The following HLF variants were observed in gnomAD, a reference collection of about 807,000 sequenced individuals.
HLF encodes HLF transcription factor, PAR bZIP family member.
In HLF, 3 loss-of-function variants were observed where a neutral mutation model predicts 22.6. That is an observed-to-expected ratio of 0.13 (90% CI 0.06 to 0.34). The LOEUF is 0.34. Among genes scored for constraint, HLF ranks in the 10% least tolerant of loss-of-function variants. HLF has a pLI of 1.00. For missense variants in HLF, 299 were observed against 389.2 expected (o/e 0.77, Z 1.95); for synonymous variants, 151 against 151.8 (o/e 0.99, Z 0.04).
intron 3 of HLF, among the ~76,000 whole-genome samples, chr17:55,315,729 GA>G (rs1158900977): frequency 6.6e-6 from 1 of 152,170 alleles, no homozygotes; most frequent in Non-Finnish European, 1.5e-5. Flanking sequence ...TATCTGCATG[GA>G]AACCCACAAA....
At chr17:55,277,315 G>A (rs1411807764) in intron 2 of HLF, among the ~76,000 whole-genome samples, 1 of 148,462 alleles carries the variant, frequency 6.7e-6, no homozygotes, top group Non-Finnish European at 1.5e-5. Context: ...ATTTGGGTTT[G>A]TGGGTGGGGG....
At chr17:55,315,147 T>G in intron 2 of HLF, 80 bp from the exon 3 acceptor site, 2 of 1,006,846 alleles carry the variant, frequency 2.0e-6, no homozygotes, top group Non-Finnish European at 3.2e-6. Context: ...CTCTTACCAC[T>G]CATCTCAGAG....
At chr17:55,304,158 A>C (rs1014480782) in intron 2 of HLF, among the ~76,000 whole-genome samples, 15 of 152,198 alleles carry the variant, frequency 9.9e-5, no homozygotes, top group Admixed American at 9.8e-4. Context: ...CTCTGGGTTC[A>C]TTTCTGGTCA....
intron 2 of HLF, among the ~76,000 whole-genome samples, chr17:55,309,615 T>C (rs1260143469): frequency 6.6e-6 from 1 of 152,236 alleles, no homozygotes; most frequent in East Asian, 1.9e-4. Context: ...TTTGAATCAC[T>C]AGGAGTTTCA....
At chr17:55,304,598 T>G (rs1904456915) in intron 2 of HLF, among the ~76,000 whole-genome samples, 1 of 152,234 alleles carries the variant, frequency 6.6e-6, no homozygotes, top group Non-Finnish European at 1.5e-5. Flanking sequence ...AGGAGTCTAG[T>G]CTGGGCCACT....
At chr17:55,315,541 G>C (rs2145371210) in intron 3 of HLF, 94 bp downstream of exon 3, 2 of 881,162 alleles carry the variant, frequency 2.3e-6, no homozygotes, top group Non-Finnish European at 3.7e-6. Flanking sequence ...CCAGAAGCTA[G>C]TGCATGAAGG....
chr17:55,304,106 C>G (rs1904427763), intron 2 of HLF, among the ~76,000 whole-genome samples: 1 of 152,128 alleles, frequency 6.6e-6, no homozygotes, highest in Non-Finnish European at 1.5e-5. Flanking sequence ...CCCAGTGTTG[C>G]CAGACCTGAA....
At position 55,322,124 on chromosome 17, in the gene HLF, TTC is replaced by T. The variant is rs1173597554; in HGVS notation, c.*1249_*1250del. The T allele has an allele frequency of 1.9e-5, 4 of 205,734 alleles. No homozygotes were observed. The highest frequency in any genetic ancestry group is 5.9e-5 in the Admixed American group (1 of 16,842). 12.7% of individuals were successfully genotyped at this position (205,734 alleles called of 1,614,324 possible). A position where few individuals can be genotyped will look rare whatever the true frequency, so the allele number is the denominator to read the frequency against. On this transcript the variant is annotated 3_prime_UTR_variant, in exon 4 of 4. Coordinates refer to ENST00000226067, the MANE Select transcript of HLF (RefSeq NM_002126.5). ...ATGATTCTGAAGCTTATGTTTCTTA[TTC>T]TCTGTTTGCTTTTGAACGTATGTGC...
chr17:55,289,552 C>T (rs956095868), intron 2 of HLF, among the ~76,000 whole-genome samples: 32 of 152,172 alleles, frequency 2.1e-4, no homozygotes, highest in African/African-American at 7.5e-4. Flanking sequence ...GCAGAGTTCT[C>T]TGCATAAAAT....
At chr17:55,301,598 G>A (rs1280123635) in intron 2 of HLF, among the ~76,000 whole-genome samples, 3 of 152,252 alleles carry the variant, frequency 2.0e-5, no homozygotes, top group African/African-American at 7.2e-5. Context: ...TGGCGAAGAC[G>A]CAAAGCAAGA....
intron 2 of HLF, among the ~76,000 whole-genome samples, chr17:55,297,326 C>T (rs2081119224): frequency 6.6e-6 from 1 of 152,008 alleles, no homozygotes; most frequent in Non-Finnish European, 1.5e-5. Flanking sequence ...TTTGGTGTGG[C>T]CTCAGATTTC....
chr17:55,287,350 C>T (rs2081014177), intron 2 of HLF, among the ~76,000 whole-genome samples: 1 of 152,108 alleles, frequency 6.6e-6, no homozygotes, highest in South Asian at 2.1e-4. Context: ...GATTGAGAGT[C>T]ATCTACAGCC....
chr17:55,306,291 G>A (rs937789961), intron 2 of HLF, among the ~76,000 whole-genome samples: 1 of 152,208 alleles, frequency 6.6e-6, no homozygotes, highest in Non-Finnish European at 1.5e-5. Flanking sequence ...GGACGTCATT[G>A]CATTCACCTT....
At position 55,324,000 on chromosome 17, in the gene HLF, C is replaced by G. The variant is rs1382642712; in HGVS notation, c.*3121C>G. The G allele has an allele frequency of 1.7e-5, 4 of 229,230 alleles. No individual in the cohort carries two copies. The highest frequency in any genetic ancestry group is 3.5e-5 in the Non-Finnish European group (4 of 115,660). 14.2% of individuals were successfully genotyped at this position (229,230 alleles called of 1,614,324 possible). A position where few individuals can be genotyped will look rare whatever the true frequency, so the allele number is the denominator to read the frequency against. Reference sequence around the variant, plus strand: ...TTGGCAAAGAAAGGCAAAAATTGACCAGCCTATCTTTCTGCTGGTGCTGCC... The same window carrying G: ...TTGGCAAAGAAAGGCAAAAATTGACGAGCCTATCTTTCTGCTGGTGCTGCC... On this transcript the variant is annotated 3_prime_UTR_variant, in exon 4 of 4. Coordinates refer to ENST00000226067, the MANE Select transcript of HLF (RefSeq NM_002126.5).
intron 2 of HLF, among the ~76,000 whole-genome samples, chr17:55,305,268 T>G (rs1168044850): frequency 6.6e-6 from 1 of 152,208 alleles, no homozygotes; most frequent in African/African-American, 2.4e-5. Flanking sequence ...GGTCAACAGT[T>G]GCTTTGTCAA....
At chr17:55,286,499 T>G (rs1400979010) in intron 2 of HLF, among the ~76,000 whole-genome samples, 1 of 152,206 alleles carries the variant, frequency 6.6e-6, no homozygotes. Context: ...TATTGTCTGT[T>G]CTTGTAGGTG....
At chr17:55,275,946 T>A (rs1457555786) in intron 2 of HLF, among the ~76,000 whole-genome samples, 7 of 152,128 alleles carry the variant, frequency 4.6e-5, no homozygotes, top group East Asian at 1.9e-4. Flanking sequence ...TACAAAATAT[T>A]TTTTTAAAAA....
At chr17:55,274,137 C>G (rs1241820877) in intron 2 of HLF, among the ~76,000 whole-genome samples, 2 of 151,976 alleles carry the variant, frequency 1.3e-5, no homozygotes, top group Admixed American at 6.6e-5. Context: ...AGAAAAAAAC[C>G]CTTGATAACA....
At chr17:55,283,385 A>G (rs1479538230) in intron 2 of HLF, 1 of 152,326 alleles carries the variant, frequency 6.6e-6, no homozygotes, top group East Asian at 1.9e-4. Flanking sequence ...TCTGTGATTA[A>G]TTAGTGATGT....
Sources: gnomAD v4.1 joint callset for allele counts (sites outside exome capture counted in the v4.1 genomes callset) on GRCh38, gnomAD v4.1.1 for gene constraint, MANE v1.5 for transcripts, NCBI Gene and HGNC (gene_info 2026-07-23, HGNC 2026-07-21) for gene names.